Variants in XKRX observed in about 807,000 individuals in gnomAD.
The protein encoded by XKRX is XK-related protein 2.
Under a neutral mutation model 22.4 loss-of-function variants are expected in XKRX, and 11 were observed. The ratio of observed to expected loss-of-function variants is 0.49; its 90% CI spans 0.31 to 0.81. XKRX has a LOEUF of 0.81. Among genes scored for constraint, XKRX ranks in the 40% least tolerant of loss-of-function variants. The pLI, the probability that XKRX is intolerant of heterozygous loss-of-function variation, is 0.05. For missense variants in XKRX, 320 were observed against 336.5 expected, an observed-to-expected ratio of 0.95 and a Z score of 0.38; for synonymous variants, 114 against 132.2, an observed-to-expected ratio of 0.86 and a Z score of 0.94.
intron 1 of XKRX, among the ~76,000 whole-genome samples, chrX:100,923,829 C>G (rs867995217): frequency 1.1e-5 from 1 of 91,121 alleles, no homozygotes; most frequent in African/African-American, 3.7e-5. Flanking sequence ...TTTTCTTTTT[C>G]TTTCTTTCTT....
At chrX:100,925,706 T>A (rs2085495013) in intron 1 of XKRX, among the ~76,000 whole-genome samples, 1 of 111,995 alleles carries the variant, frequency 8.9e-6, no homozygotes, top group Admixed American at 9.5e-5. Context: ...GTCACAACTT[T>A]AAATTTCTTG....
intron 2 of XKRX, among the ~76,000 whole-genome samples, chrX:100,920,283 A>G (rs919575398): frequency 2.7e-4 from 30 of 110,786 alleles, no homozygotes; most frequent in Non-Finnish European, 5.7e-4. Context: ...TTATTGTTAT[A>G]CATGTATATA....
At chrX:100,946,664 GA>G in the XKRX span, among the ~76,000 whole-genome samples, 3 of 111,777 alleles carry the variant, frequency 2.7e-5, no homozygotes, top group East Asian at 5.6e-4. Flanking sequence ...GTCCTCACGA[GA>G]AAGCTGTGAC....
chrX:100,922,199 G>C (rs2085476706), intron 2 of XKRX, among the ~76,000 whole-genome samples: 1 of 111,071 alleles, frequency 9.0e-6, no homozygotes, highest in Non-Finnish European at 1.9e-5. Flanking sequence ...CCCAAATGTG[G>C]CTGATCAAAA....
chrX:100,939,972 C>T, the XKRX span, among the ~76,000 whole-genome samples: 1 of 112,059 alleles, frequency 8.9e-6, no homozygotes, highest in Non-Finnish European at 1.9e-5. Flanking sequence ...CTTTGAAATA[C>T]AACTCATTCA....
At chrX:100,937,136 ACG>A in the XKRX span, among the ~76,000 whole-genome samples, 23 of 110,011 alleles carry the variant, frequency 2.1e-4, no homozygotes, top group Admixed American at 2.1e-3. Context: ...GATTATGGGC[ACG>A]TGCCACCATG....
intron 1 of XKRX, 88 bp from the exon 2 acceptor site, chrX:100,923,149 G>A: frequency 9.3e-7 from 1 of 1,077,283 alleles, no homozygotes; most frequent in Non-Finnish European, 1.3e-6. Context: ...TGGGGAGGTT[G>A]TGCTACTTTA....
At chrX:100,908,106 A>AGAGTGTGTGTGT in the XKRX span, among the ~76,000 whole-genome samples, 3 of 86,976 alleles carry the variant, frequency 3.4e-5, no homozygotes, top group Admixed American at 4.0e-4. Context: ...TCATGCATGG[A>AGAGTGTGTGTGT]GTGTGTGTGT....
the XKRX span, among the ~76,000 whole-genome samples, chrX:100,948,572 GT>G: frequency 8.9e-6 from 1 of 112,409 alleles, no homozygotes; most frequent in Non-Finnish European, 1.9e-5. Context: ...GCCCCTTTCT[GT>G]TTCCTTTAGT....
the XKRX span, among the ~76,000 whole-genome samples, chrX:100,900,542 C>A: frequency 1.1e-4 from 12 of 109,099 alleles, no homozygotes; most frequent in Non-Finnish European, 2.3e-4. Context: ...TGGCTCACAC[C>A]TAAAATCCCA....
chrX:100,918,419 C>T (rs2085455934), intron 2 of XKRX, among the ~76,000 whole-genome samples: 1 of 111,885 alleles, frequency 8.9e-6, no homozygotes, highest in Admixed American at 9.6e-5. Context: ...TGTGGCGATG[C>T]TTTCCCTTAC....
chrX:100,934,779 C>T, the XKRX span, among the ~76,000 whole-genome samples: 3 of 112,161 alleles, frequency 2.7e-5, no homozygotes, highest in African/African-American at 9.7e-5. Context: ...TTTGAGGGAT[C>T]GCCAGACTCT....
At chrX:100,891,763 A>G in the XKRX span, among the ~76,000 whole-genome samples, 11 of 59,187 alleles carry the variant, frequency 1.9e-4, no homozygotes, top group East Asian at 4.5e-3. Context: ...AAGAAAGAAG[A>G]AAAGAAAGAA....
chrX:100,959,005 T>G, the XKRX span, among the ~76,000 whole-genome samples: 1 of 111,717 alleles, frequency 9.0e-6, no homozygotes, highest in Non-Finnish European at 1.9e-5. Context: ...TGAGTTGTGG[T>G]AGTGTTTAGG....
intron 1 of XKRX, among the ~76,000 whole-genome samples, chrX:100,927,173 T>C (rs1343856319): frequency 9.1e-6 from 1 of 110,320 alleles, no homozygotes; most frequent in South Asian, 4.0e-4. Flanking sequence ...ATCCCGTCTC[T>C]ACAAAAAAAA....
chrX:100,898,774 C>T, the XKRX span, among the ~76,000 whole-genome samples: 1 of 110,496 alleles, frequency 9.1e-6, no homozygotes, highest in Non-Finnish European at 1.9e-5. Flanking sequence ...GACTACCCCC[C>T]AAAAAAGAGC....
the XKRX span, among the ~76,000 whole-genome samples, chrX:100,900,940 C>T: frequency 9.2e-6 from 1 of 108,838 alleles, no homozygotes; most frequent in Non-Finnish European, 1.9e-5. Flanking sequence ...CAGGAGCCCA[C>T]CACCACGCCT....
At chrX:100,951,647 G>A in the XKRX span, among the ~76,000 whole-genome samples, 2 of 110,507 alleles carry the variant, frequency 1.8e-5, no homozygotes, top group Admixed American at 1.9e-4. Context: ...GTGATTCTTT[G>A]GGGAAAAAAA....
downstream of XKRX, chrX:100,911,530 A>G (rs1397175782): frequency 1.6e-6 from 1 of 612,473 alleles, no homozygotes; most frequent in African/African-American, 2.2e-5. Flanking sequence ...CTACAAACCA[A>G]TTGAAAAAAC....
Sources: allele counts gnomAD v4.1 joint callset (sites outside exome capture counted in the v4.1 genomes callset), GRCh38; gene constraint gnomAD v4.1.1; transcripts MANE v1.5; gene names NCBI Gene and HGNC (gene_info 2026-07-23, HGNC 2026-07-21).